ELMO1: variants seen among roughly 807,000 people sequenced by gnomAD.
The protein encoded by ELMO1 is engulfment and cell motility protein 1.
A neutral mutation model predicts 98.9 loss-of-function variants in ELMO1; 26 were observed. The ratio of observed to expected loss-of-function variants is 0.26; its 90% confidence interval spans 0.19 to 0.36. The LOEUF (loss-of-function observed/expected upper bound fraction) is 0.36, where lower values mean the gene tolerates loss of function less well. ELMO1 is among the 10% of genes least tolerant of loss of function. The pLI is 1.00. For missense variants in ELMO1, 627 were observed against 935.2 expected, an observed-to-expected ratio of 0.67 and a Z score of 4.30; for synonymous variants, 346 against 346.0, an observed-to-expected ratio of 1.00 and a Z score of 0.00.
chr7:37,400,155 A>T (rs1198753167), intron 1 of ELMO1, among the ~76,000 whole-genome samples: 1 of 152,212 alleles, frequency 6.6e-6, no homozygotes, highest in Non-Finnish European at 1.5e-5. Context: ...TGTAAATGAG[A>T]TGACACATGT....
intron 17 of ELMO1, among the ~76,000 whole-genome samples, chr7:36,888,547 G>A (rs1481388750): frequency 6.6e-6 from 1 of 152,162 alleles, no homozygotes; most frequent in East Asian, 1.9e-4. Context: ...CTCTGCTCAC[G>A]ACTAGCATTT....
intron 17 of ELMO1, 127 bp downstream of exon 17, chr7:36,894,727 T>C (rs1805848223): frequency 8.4e-7 from 1 of 1,188,126 alleles, no homozygotes; most frequent in Non-Finnish European, 1.2e-6. Context: ...ATGGAGATAC[T>C]TGGAATGTCT....
chr7:37,411,197 G>A (rs529052044), intron 1 of ELMO1, among the ~76,000 whole-genome samples: 2 of 152,344 alleles, frequency 1.3e-5, no homozygotes, highest in African/African-American at 4.8e-5. Context: ...ATACTGGATT[G>A]TTAGTGGATA....
rs1032334456 is a variant in ELMO1, at chr7:36,853,558, G to A, written c.*1993C>T. On this transcript the variant is annotated 3_prime_UTR_variant, in exon 22 of 22. Coordinates refer to ENST00000310758, the MANE Select transcript of ELMO1 (RefSeq NM_014800.11). ...AATAACATCGAAGCTTAATGATCAAGGAATTAACAGCTTGACACAGGTGTG... is the reference window on the plus strand; with the variant it reads ...AATAACATCGAAGCTTAATGATCAAAGAATTAACAGCTTGACACAGGTGTG... Among the ~76,000 whole-genome samples, 1 of 152,222 alleles carries A rather than the reference G, an allele frequency of 6.6e-6. No homozygotes were observed. Among genetic ancestry groups the A allele is most frequent in the African/African-American group, 2.4e-5 (1 of 41,454 alleles).
chr7:37,154,300 G>A (rs976071111), intron 13 of ELMO1, among the ~76,000 whole-genome samples: 1 of 152,200 alleles, frequency 6.6e-6, no homozygotes, highest in Non-Finnish European at 1.5e-5. Context: ...GAACAAAACT[G>A]CATGGAGAAT....
chr7:37,342,696 G>C lies in ELMO1; in HGVS notation c.-6C>G. 1 of 1,609,256 alleles carries C rather than the reference G, an allele frequency of 6.2e-7. No individual in the cohort carries two copies. The highest frequency in any genetic ancestry group is 8.5e-7 in the Non-Finnish European group (1 of 1,178,128). On this transcript the variant is annotated 5_prime_UTR_variant, in exon 2 of 22. Coordinates refer to ENST00000310758, the MANE Select transcript of ELMO1 (RefSeq NM_014800.11). The surrounding 1 kb of genome is among the most constrained non-coding windows in gnomAD (Gnocchi z 4.3). ...ATGTCCGCGGGTGGCGGCATTGTAA[G>C]TCCCCAAAATGTTCAAAGCCAGTGG...
In ELMO1 at chr7:36,958,531, G is replaced by C. The variant is rs570601406; in HGVS notation, c.1437+54768C>G. ...ACTAAGAAACTAAAAGCAATCATAA[G>C]ATAACTTCTGTAATCAGACGGTGAA... On this transcript the variant is annotated intron_variant, in intron 16 of 21. Transcript: ENST00000310758. Among the ~76,000 whole-genome samples, 43 of 152,216 alleles carry C rather than the reference G, an allele frequency of 2.8e-4. No individual in the cohort carries two copies. The South Asian group carries it at 6.8e-3, about 24-fold the overall frequency.
At chr7:36,890,852 C>T (rs1178385733) in intron 17 of ELMO1, among the ~76,000 whole-genome samples, 1 of 152,180 alleles carries the variant, frequency 6.6e-6, no homozygotes, top group Non-Finnish European at 1.5e-5. Flanking sequence ...GGGCTCCCTG[C>T]ACTTTTCTGG....
intron 18 of ELMO1, among the ~76,000 whole-genome samples, chr7:36,880,472 A>G (rs927555216): frequency 1.3e-4 from 20 of 152,230 alleles, no homozygotes; most frequent in Non-Finnish European, 2.8e-4. Context: ...TGTAAGATAT[A>G]TTGATTTGTA....
intron 4 of ELMO1, among the ~76,000 whole-genome samples, chr7:37,302,547 C>A (rs1256612294): frequency 1.3e-5 from 2 of 152,088 alleles, no homozygotes; most frequent in Non-Finnish European, 2.9e-5. Context: ...ACCATCCCAA[C>A]TGAGCCCAGT....
intron 7 of ELMO1, among the ~76,000 whole-genome samples, chr7:37,237,657 T>C (rs2130661301): frequency 6.6e-6 from 1 of 152,346 alleles, no homozygotes; most frequent in East Asian, 1.9e-4. Context: ...TTGTACTCAA[T>C]AGATCCTTAA....
At chr7:37,199,326 A>G (rs1792153934) in intron 13 of ELMO1, among the ~76,000 whole-genome samples, 2 of 152,214 alleles carry the variant, frequency 1.3e-5, no homozygotes, top group South Asian at 4.1e-4. Context: ...TAAAAATATG[A>G]AAACGGGCTG....
intron 16 of ELMO1, chr7:36,998,010 T>C (rs979288129): frequency 2.6e-5 from 4 of 151,948 alleles, no homozygotes; most frequent in African/African-American, 9.7e-5. Flanking sequence ...CCGGAAAATT[T>C]GGCAGTGCAG....
intron 2 of ELMO1, among the ~76,000 whole-genome samples, chr7:37,321,655 T>C (rs866996711): frequency 7.6e-6 from 1 of 131,406 alleles, no homozygotes; most frequent in Non-Finnish European, 1.5e-5. Context: ...AGGCGGAGCT[T>C]GCAGTGAGCC....
At chr7:36,864,791 G>A (rs1249876794) in intron 20 of ELMO1, among the ~76,000 whole-genome samples, 3 of 152,190 alleles carry the variant, frequency 2.0e-5, no homozygotes, top group Admixed American at 6.5e-5. Context: ...GCTCATGACC[G>A]AAGCTCTTTT....
intron 16 of ELMO1, among the ~76,000 whole-genome samples, chr7:36,921,472 A>G (rs1785150419): frequency 6.6e-6 from 1 of 152,250 alleles, no homozygotes; most frequent in South Asian, 2.1e-4. Context: ...TCCTGGCACC[A>G]GAAACACAGC....
intron 16 of ELMO1, among the ~76,000 whole-genome samples, chr7:36,918,910 AT>A (rs1049733511): frequency 6.4e-4 from 97 of 152,098 alleles, no homozygotes; most frequent in Non-Finnish European, 1.1e-3. Context: ...AAGGAAAAAT[AT>A]TTTTTTTCTT....
chr7:37,018,555 C>T (rs987215178), intron 15 of ELMO1, among the ~76,000 whole-genome samples: 4 of 151,922 alleles, frequency 2.6e-5, no homozygotes, highest in Non-Finnish European at 4.4e-5. Context: ...TGGCTCACTG[C>T]AACCTCTTCC....
At chr7:37,300,818 G>C (rs1228844840) in intron 4 of ELMO1, among the ~76,000 whole-genome samples, 1 of 151,458 alleles carries the variant, frequency 6.6e-6, no homozygotes, top group Non-Finnish European at 1.5e-5. Flanking sequence ...TTTTTCTATT[G>C]ATTGGAATAG....
Sources: allele counts gnomAD v4.1 joint callset (sites outside exome capture counted in the v4.1 genomes callset), GRCh38; gene constraint gnomAD v4.1.1; non-coding constraint Gnocchi (gnomAD v3.1); transcripts MANE v1.5; gene names NCBI Gene and HGNC (gene_info 2026-07-23, HGNC 2026-07-21).